Variants in CTNNA3 observed in about 807,000 individuals in gnomAD.
CTNNA3 encodes catenin alpha-3.
CTNNA3 carries 76 observed loss-of-function variants against 95.7 expected under a neutral mutation model. The ratio of observed to expected loss-of-function variants is 0.79; its 90% confidence interval spans 0.66 to 0.96. CTNNA3 has a LOEUF of 0.96. Ranked by LOEUF, CTNNA3 falls within the 40% of genes least tolerant of loss-of-function variation. The pLI is 0.00. For synonymous variants in CTNNA3, 431 were observed against 374.4 expected (o/e 1.15, Z -1.74); for missense variants, 1,191 against 1,089.8 (o/e 1.09, Z -1.31).
chr10:67,443,067 T>C (rs1011041704), intron 5 of CTNNA3, among the ~76,000 whole-genome samples: 2 of 149,774 alleles, frequency 1.3e-5, no homozygotes, highest in Non-Finnish European at 1.5e-5. Context: ...ATCCTTGCAA[T>C]AGTTTACTGA....
intron 11 of CTNNA3, among the ~76,000 whole-genome samples, chr10:66,499,657 G>T (rs1334321694): frequency 6.6e-6 from 1 of 152,062 alleles, no homozygotes; most frequent in Non-Finnish European, 1.5e-5. Flanking sequence ...TAGAGAATTT[G>T]AGCAATTAAG....
chr10:67,609,916 TG>T (rs1320902785), intron 2 of CTNNA3, among the ~76,000 whole-genome samples: 3 of 152,228 alleles, frequency 2.0e-5, no homozygotes, highest in Non-Finnish European at 4.4e-5. Context: ...GTCTTCATCA[TG>T]GATTATATAA....
chr10:66,700,678 T>C (rs931538600), intron 9 of CTNNA3, among the ~76,000 whole-genome samples: 5 of 152,200 alleles, frequency 3.3e-5, no homozygotes, highest in Non-Finnish European at 7.3e-5. Context: ...TATTTAAGTA[T>C]GTCCATCATT....
At chr10:66,257,499 A>G (rs1464786455) in intron 13 of CTNNA3, among the ~76,000 whole-genome samples, 2 of 152,218 alleles carry the variant, frequency 1.3e-5, no homozygotes, top group African/African-American at 2.4e-5. Context: ...CTCACCTTCC[A>G]GCTGTATTAA....
At chr10:66,039,132 A>T (rs1042619354) in intron 15 of CTNNA3, among the ~76,000 whole-genome samples, 6 of 152,214 alleles carry the variant, frequency 3.9e-5, no homozygotes, top group Non-Finnish European at 7.3e-5. Flanking sequence ...TCAGGAATGC[A>T]ATCTCATTCA....
chr10:66,381,208 C>G (rs1371292572), intron 11 of CTNNA3, among the ~76,000 whole-genome samples: 1 of 152,108 alleles, frequency 6.6e-6, no homozygotes, highest in East Asian at 1.9e-4. Flanking sequence ...GTCCTGTGGG[C>G]ATATTAGAAC....
intron 2 of CTNNA3, among the ~76,000 whole-genome samples, chr10:67,646,503 G>T (rs746945641): frequency 9.9e-5 from 15 of 151,836 alleles, no homozygotes; most frequent in Non-Finnish European, 1.3e-4. Context: ...ATATCAACTT[G>T]TACAACATGT....
chr10:66,389,983 A>G (rs1589181043), intron 11 of CTNNA3, among the ~76,000 whole-genome samples: 1 of 152,104 alleles, frequency 6.6e-6, no homozygotes, highest in South Asian at 2.1e-4. Context: ...CGATTCTCCT[A>G]CCTCAGATTC....
chr10:66,771,235 AT>A (rs1840073308), intron 8 of CTNNA3, among the ~76,000 whole-genome samples: 1 of 152,162 alleles, frequency 6.6e-6, no homozygotes, highest in Admixed American at 6.5e-5. Flanking sequence ...AATAAAAGAC[AT>A]TTTTCTTAAT....
chr10:67,652,707 T>C (rs57418899), intron 1 of CTNNA3, among the ~76,000 whole-genome samples: 38,812 of 149,204 alleles, frequency 0.26, 8,391 homozygotes, highest in African/African-American at 0.59. Flanking sequence ...ATTATAACAT[T>C]TTTGTTTTTC....
intron 3 of CTNNA3, among the ~76,000 whole-genome samples, chr10:67,546,311 C>T (rs1466834210): frequency 6.6e-6 from 1 of 152,020 alleles, no homozygotes; most frequent in East Asian, 1.9e-4. Context: ...TTTTGTATCT[C>T]TTATAGAGAT....
chr10:67,715,529 G>A (rs1383418997), intron 1 of CTNNA3, among the ~76,000 whole-genome samples: 3 of 152,030 alleles, frequency 2.0e-5, no homozygotes, highest in Non-Finnish European at 2.9e-5. Flanking sequence ...CAGTTACAAT[G>A]TCTGAGAACC....
intron 11 of CTNNA3, among the ~76,000 whole-genome samples, chr10:66,403,644 C>T (rs2093036451): frequency 6.6e-6 from 1 of 152,104 alleles, no homozygotes. Flanking sequence ...CGAGCCAAAC[C>T]ATATCACCTC....
At chr10:66,659,493 C>T (rs1001830105) in intron 9 of CTNNA3, among the ~76,000 whole-genome samples, 2 of 152,222 alleles carry the variant, frequency 1.3e-5, no homozygotes, top group South Asian at 2.1e-4. Context: ...CTTAGAAAGA[C>T]CTATTGTGTA....
chr10:65,997,566 G>A, intron 15 of CTNNA3, among the ~76,000 whole-genome samples: 1 of 152,122 alleles, frequency 6.6e-6, no homozygotes, highest in East Asian at 1.9e-4. Flanking sequence ...ATGAGAGAAA[G>A]AAAGAAATTG....
In CTNNA3 at chr10:67,057,735, G is replaced by A. The variant is rs552610062; in HGVS notation, c.1047+122582C>T. ...ATCACCATTTTACCACCACCACCAC[G>A]ATGAGCTTCTTCTTCACTCTCTCTC... On this transcript the variant is annotated intron_variant, in intron 7 of 17. Coordinates refer to ENST00000433211, the MANE Select transcript of CTNNA3 (RefSeq NM_013266.4). Among the ~76,000 whole-genome samples the A allele has an allele frequency of 4.3e-4, 66 of 152,162 alleles. 2 individuals are homozygous for A. In the South Asian group the frequency reaches 0.013, roughly 31 times the overall value.
intron 1 of CTNNA3, among the ~76,000 whole-genome samples, chr10:67,728,075 T>TTATATATATTAC (rs1564841923): frequency 1.4e-5 from 2 of 140,528 alleles, no homozygotes; most frequent in Non-Finnish European, 3.0e-5. Context: ...TATTACATAT[T>TTATATATATTAC]ATATATTATA....
In CTNNA3 at chr10:66,798,602, G is replaced by GA. The variant is rs200859053; in HGVS notation, c.1048-23079dup. Among the ~76,000 whole-genome samples, 88 of 146,558 alleles carry GA rather than the reference G, an allele frequency of 6.0e-4. No individual in the cohort carries two copies. In the East Asian group the frequency reaches 7.1e-3, roughly 12 times the overall value. Reference sequence around the variant, plus strand: ...ATCTAATTGGAAACTCCAAATCCCAGAAAAAAAAAATGGGTAGAAAAGAGA... The same window carrying GA: ...ATCTAATTGGAAACTCCAAATCCCAGAAAAAAAAAAATGGGTAGAAAAGAGA... On this transcript the variant is annotated intron_variant, in intron 7 of 17. Transcript: ENST00000433211.
intron 11 of CTNNA3, among the ~76,000 whole-genome samples, chr10:66,450,090 C>T (rs1235214457): frequency 6.6e-6 from 1 of 152,002 alleles, no homozygotes; most frequent in Non-Finnish European, 1.5e-5. Context: ...TTCCTAACTT[C>T]CATTCTGCAG....
Sources: allele counts gnomAD v4.1 joint callset (sites outside exome capture counted in the v4.1 genomes callset), GRCh38; gene constraint gnomAD v4.1.1; transcripts MANE v1.5; gene names NCBI Gene and HGNC (gene_info 2026-07-23, HGNC 2026-07-21).